The following COL25A1 variants were observed in gnomAD, a reference collection of about 807,000 sequenced individuals.
COL25A1 encodes collagen alpha-1(XXV) chain.
COL25A1 carries 103 observed loss-of-function variants against 128.4 expected under a neutral mutation model. That is an observed-to-expected ratio of 0.80 (90% CI 0.68 to 0.94). The LOEUF (loss-of-function observed/expected upper bound fraction) is 0.94. Among genes scored for constraint, COL25A1 ranks in the 40% least tolerant of loss-of-function variants. The probability of loss-of-function intolerance (pLI) is 0.00; values close to 1 mark genes in which losing one functional copy is unlikely to be tolerated. For missense variants in COL25A1, 745 were observed against 840.0 expected, an observed-to-expected ratio of 0.89 and a Z score of 1.40; for synonymous variants, 279 against 277.2, an observed-to-expected ratio of 1.01 and a Z score of -0.06.
At chr4:109,000,888 C>A (rs1397968602) in intron 6 of COL25A1, among the ~76,000 whole-genome samples, 2 of 151,492 alleles carry the variant, frequency 1.3e-5, no homozygotes, top group Admixed American at 6.6e-5. Context: ...AAGGGGTATC[C>A]TATTTGGATG....
At chr4:109,180,199 A>G (rs76267871) in intron 3 of COL25A1, among the ~76,000 whole-genome samples, 6,317 of 152,326 alleles carry the variant, frequency 0.041, 199 homozygotes, top group Non-Finnish European at 0.06. Context: ...CAAGTTAATT[A>G]GTAAATACAC....
chr4:108,850,400 A>T (rs10008984), intron 26 of COL25A1, among the ~76,000 whole-genome samples: 2 of 151,782 alleles, frequency 1.3e-5, no homozygotes, highest in Non-Finnish European at 2.9e-5. Flanking sequence ...CTTCTCAAGG[A>T]CAGACCATGA....
intron 3 of COL25A1, among the ~76,000 whole-genome samples, chr4:109,283,160 T>C (rs1249665466): frequency 9.9e-5 from 15 of 152,220 alleles, no homozygotes; most frequent in Non-Finnish European, 2.2e-4. Flanking sequence ...TACTTCTTTT[T>C]TTCTCCAAAC....
chr4:109,057,553 A>G (rs975004327), intron 3 of COL25A1, among the ~76,000 whole-genome samples: 1 of 144,890 alleles, frequency 6.9e-6, no homozygotes, highest in Non-Finnish European at 1.5e-5. Flanking sequence ...AAGTGCTGGG[A>G]TTATAGGCAT....
chr4:108,894,943 G>A (rs987104085), intron 16 of COL25A1, among the ~76,000 whole-genome samples: 3 of 152,194 alleles, frequency 2.0e-5, no homozygotes, highest in Non-Finnish European at 4.4e-5. Flanking sequence ...AATACCTGGA[G>A]ACATGTTTGA....
At chr4:109,292,126 G>A (rs936861657) in intron 3 of COL25A1, among the ~76,000 whole-genome samples, 1 of 151,446 alleles carries the variant, frequency 6.6e-6, no homozygotes, top group African/African-American at 2.4e-5. Flanking sequence ...ATGCCTCAGG[G>A]GCCAGCATCG....
In COL25A1 at chr4:108,846,190, C is replaced by T. The variant is rs1259058809; in HGVS notation, c.1464G>A (p.Gly488=). The T allele has an allele frequency of 4.3e-6, 7 of 1,612,688 alleles. No homozygotes were observed. The highest frequency in any genetic ancestry group is 2.2e-5 in the South Asian group (2 of 91,048). The change falls in exon 28 of 38, where the codon GGG becomes GGA. Residue 488 remains glycine, a synonymous_variant. Transcript: ENST00000399132. ...QGLKGSKGDM[G]DPGMTGEKGG... is the part of the protein sequence containing the mutation. Reference sequence around the variant, plus strand: ...CTTTTTCACCTGTCATACCTGGGTCCCCCATGTCTCCCTTTGAGCCTTTGA... The same window carrying T: ...CTTTTTCACCTGTCATACCTGGGTCTCCCATGTCTCCCTTTGAGCCTTTGA...
At chr4:108,984,993 T>C (rs1046248102) in intron 6 of COL25A1, among the ~76,000 whole-genome samples, 27 of 152,352 alleles carry the variant, frequency 1.8e-4, no homozygotes, top group African/African-American at 6.5e-4. Context: ...CCTTGGAGTC[T>C]AAAGAGATAC....
At chr4:108,874,209 T>C (rs888198062) in intron 19 of COL25A1, among the ~76,000 whole-genome samples, 2 of 152,182 alleles carry the variant, frequency 1.3e-5, no homozygotes, top group Non-Finnish European at 2.9e-5. Flanking sequence ...TCAATCAGAC[T>C]TCATAAAAAT....
At position 109,072,294 on chromosome 4, in the gene COL25A1, G is replaced by A. The variant is rs72883475; in HGVS notation, c.368-22115C>T. On this transcript the variant is annotated intron_variant, in intron 3 of 37. Transcript: ENST00000399132. ...TTCAAATTTCTGTTAACAGATGAAC[G>A]ATGTTACCTTAATTTAACTCACGTT... 3.4e-3 allele frequency among the ~76,000 whole-genome samples: 522 copies of A among 152,222 alleles called. 2 individuals are homozygous for A. The highest frequency in any genetic ancestry group is 0.012 in the African/African-American group (497 of 41,532).
intron 5 of COL25A1, among the ~76,000 whole-genome samples, chr4:109,027,718 C>T (rs1367828352): frequency 6.6e-6 from 1 of 151,694 alleles, no homozygotes; most frequent in Non-Finnish European, 1.5e-5. Context: ...TGGTTCAAGA[C>T]TTGCAACTAG....
At chr4:108,871,558 C>T (rs1397137369) in intron 19 of COL25A1, among the ~76,000 whole-genome samples, 4 of 152,110 alleles carry the variant, frequency 2.6e-5, no homozygotes, top group Non-Finnish European at 4.4e-5. Context: ...CCTCGTGATC[C>T]GCCCGTCTCG....
chr4:109,111,493 C>A (rs1263300872), intron 3 of COL25A1, among the ~76,000 whole-genome samples: 1 of 152,120 alleles, frequency 6.6e-6, no homozygotes, highest in Non-Finnish European at 1.5e-5. Context: ...GCAAATAAAC[C>A]AATAATGTGC....
chr4:109,223,831 C>T (rs1778594175), intron 3 of COL25A1, among the ~76,000 whole-genome samples: 1 of 152,110 alleles, frequency 6.6e-6, no homozygotes, highest in Non-Finnish European at 1.5e-5. Flanking sequence ...TAAATAATGT[C>T]TTTTAGAACC....
At chr4:108,991,129 A>G (rs183804630) in intron 6 of COL25A1, among the ~76,000 whole-genome samples, 2 of 152,336 alleles carry the variant, frequency 1.3e-5, no homozygotes, top group Non-Finnish European at 2.9e-5. Flanking sequence ...AGGGAGTGAT[A>G]ACAGCTTCCA....
intron 6 of COL25A1, among the ~76,000 whole-genome samples, chr4:109,004,403 T>C (rs555724263): frequency 1.4e-5 from 1 of 74,046 alleles, no homozygotes; most frequent in Non-Finnish European, 3.3e-5. Flanking sequence ...GAGGTTTGTG[T>C]TTTTTTTTTT....
At chr4:108,857,314 C>G (rs2125784356) in intron 24 of COL25A1, among the ~76,000 whole-genome samples, 1 of 152,162 alleles carries the variant, frequency 6.6e-6, no homozygotes, top group South Asian at 2.1e-4. Flanking sequence ...CTCTGTCTCC[C>G]TTTCTTTCCT....
chr4:108,867,980 T>C (rs1019532312), intron 20 of COL25A1, among the ~76,000 whole-genome samples: 3 of 152,174 alleles, frequency 2.0e-5, no homozygotes, highest in Non-Finnish European at 2.9e-5. Flanking sequence ...GTTTTCATTA[T>C]AGAATATTTT....
intron 32 of COL25A1, among the ~76,000 whole-genome samples, chr4:108,828,817 G>A (rs1261785109): frequency 6.6e-6 from 1 of 151,770 alleles, no homozygotes; most frequent in Non-Finnish European, 1.5e-5. Flanking sequence ...CTTTTTTCTT[G>A]GCAAAACGCC....
Sources: gnomAD v4.1 joint callset for allele counts (sites outside exome capture counted in the v4.1 genomes callset) on GRCh38, gnomAD v4.1.1 for gene constraint, MANE v1.5 for transcripts, NCBI Gene and HGNC (gene_info 2026-07-23, HGNC 2026-07-21) for gene names.